CERT1: variants seen among roughly 807,000 people sequenced by gnomAD.
CERT1 encodes the protein ceramide transfer protein.
A neutral mutation model predicts 87.9 loss-of-function variants in CERT1; 31 were observed. The observed-to-expected ratio is 0.35, with a 90% CI of 0.27 to 0.48. The LOEUF (loss-of-function observed/expected upper bound fraction) is 0.48. CERT1 is among the 20% of genes least tolerant of loss of function. The pLI is 0.99. For synonymous variants in CERT1, 289 were observed against 250.9 expected (o/e 1.15, Z -1.44); for missense variants, 487 against 758.0 (o/e 0.64, Z 4.20).
At chr5:75,511,905 G>A, upstream of CERT1, 1 of 1,339,574 alleles carries the variant, frequency 7.5e-7, no homozygotes, top group Non-Finnish European at 1.0e-6. Flanking sequence ...TCGCGATCCT[G>A]AGGTAACGGG....
intron 11 of CERT1, among the ~76,000 whole-genome samples, chr5:75,393,053 A>T (rs1314696271): frequency 6.6e-6 from 1 of 151,104 alleles, no homozygotes. Flanking sequence ...AAAACAAAAA[A>T]CAACAAATAT....
chr5:75,426,517 A>G (rs965628634), intron 3 of CERT1, 39 bp from the exon 4 acceptor site: 1 of 1,431,236 alleles, frequency 7.0e-7, no homozygotes, highest in African/African-American at 1.4e-5. Flanking sequence ...GAATTTAAAT[A>G]AAAAATACTT....
intron 8 of CERT1, among the ~76,000 whole-genome samples, chr5:75,407,376 AG>A (rs1289937109): frequency 1.3e-5 from 2 of 152,012 alleles, no homozygotes; most frequent in African/African-American, 4.8e-5. Context: ...TGTGGAGAAA[AG>A]TGGATCAAAG....
intron 17 of CERT1, chr5:75,370,609 T>C (rs372274363): frequency 6.6e-5 from 10 of 152,040 alleles, no homozygotes; most frequent in African/African-American, 2.2e-4. Flanking sequence ...ACACAAAATA[T>C]TTATTACATG....
downstream of CERT1, chr5:75,374,501 G>T (rs1761211176): frequency 2.9e-5 from 21 of 721,058 alleles, no homozygotes; most frequent in South Asian, 2.2e-4. Context: ...GTGCCAAAAA[G>T]GGCCACAGCC....
intron 1 of CERT1, among the ~76,000 whole-genome samples, chr5:75,506,993 C>T (rs1767679189): frequency 6.6e-6 from 1 of 152,140 alleles, no homozygotes; most frequent in East Asian, 1.9e-4. Context: ...AACTATCTGC[C>T]AATTCCAAAA....
intron 11 of CERT1, among the ~76,000 whole-genome samples, chr5:75,397,659 TA>T: frequency 6.6e-6 from 1 of 152,328 alleles, no homozygotes. Context: ...CTTAGCACAA[TA>T]AACCAAAGTC....
intron 2 of CERT1, among the ~76,000 whole-genome samples, chr5:75,472,665 T>C (rs973493652): frequency 2.0e-5 from 3 of 152,128 alleles, no homozygotes; most frequent in Non-Finnish European, 4.4e-5. Flanking sequence ...TATGAAAAAA[T>C]GCTCAATGTC....
chr5:75,410,962 G>T, intron 8 of CERT1, 49 bp downstream of exon 8: 1 of 974,206 alleles, frequency 1.0e-6, no homozygotes, highest in Non-Finnish European at 1.6e-6. Flanking sequence ...TCACTTTTGT[G>T]ATAGACATGA....
chr5:75,385,301 C>T (rs1033486049), intron 13 of CERT1, among the ~76,000 whole-genome samples: 11 of 151,958 alleles, frequency 7.2e-5, no homozygotes, highest in Admixed American at 2.0e-4. Flanking sequence ...GGCAAAACCC[C>T]GTCTCTACTA....
chr5:75,407,926 A>G (rs1284037937), intron 8 of CERT1, among the ~76,000 whole-genome samples: 3 of 148,040 alleles, frequency 2.0e-5, no homozygotes, highest in Non-Finnish European at 4.5e-5. Context: ...AAAATTGACC[A>G]TCTTAACAAT....
At position 75,511,142 on chromosome 5, in the gene CERT1, C is replaced by A; in HGVS notation, c.66G>T (p.Pro22=). ...SEEDPETESG[P]PVERCGVLSK... ...TGAGGACCCCGCAGCGCTCCACAGG[C>A]GGCCCAGACTCCGTCTCTGGATCCT... The change falls in exon 1 of 17, where the codon CCG becomes CCT. Residue 22 remains proline (P), a synonymous_variant. Transcript: ENST00000643780. The A allele has an allele frequency of 3.7e-6, 6 of 1,605,692 alleles. No individual in the cohort carries two copies. The highest frequency in any genetic ancestry group is 5.1e-6 in the Non-Finnish European group (6 of 1,176,036).
intron 10 of CERT1, 75 bp from the exon 11 acceptor site, chr5:75,399,462 A>G: frequency 5.7e-6 from 6 of 1,046,142 alleles, no homozygotes; most frequent in Non-Finnish European, 7.4e-6. Context: ...CCAACTTCCA[A>G]ACACAAGATA....
intron 2 of CERT1, among the ~76,000 whole-genome samples, chr5:75,495,367 A>C (rs1767007854): frequency 6.6e-6 from 1 of 152,120 alleles, no homozygotes; most frequent in African/African-American, 2.4e-5. Flanking sequence ...GACTAGCCTG[A>C]GCAACATGGT....
At chr5:75,394,205 G>T (rs6898308) in intron 11 of CERT1, among the ~76,000 whole-genome samples, 3 of 152,068 alleles carry the variant, frequency 2.0e-5, no homozygotes, top group African/African-American at 7.2e-5. Context: ...CTAATGAAGA[G>T]TTTGGCAGTA....
chr5:75,511,718 G>A (rs956731626), upstream of CERT1: 68 of 1,545,786 alleles, frequency 4.4e-5, no homozygotes, highest in African/African-American at 7.6e-4. Flanking sequence ...GGCGTCTGAC[G>A]CGACACGCCG....
At chr5:75,510,701 C>T (rs1309702758) in intron 1 of CERT1, among the ~76,000 whole-genome samples, 1 of 152,082 alleles carries the variant, frequency 6.6e-6, no homozygotes, top group Non-Finnish European at 1.5e-5. Context: ...GTCCGCAGTG[C>T]CCCCCAACCT....
At chr5:75,444,861 G>A (rs1273763585) in intron 3 of CERT1, among the ~76,000 whole-genome samples, 3 of 152,014 alleles carry the variant, frequency 2.0e-5, no homozygotes, top group African/African-American at 7.2e-5. Context: ...ATTTTTCATA[G>A]TGAAATATTT....
intron 2 of CERT1, among the ~76,000 whole-genome samples, chr5:75,495,940 A>T (rs1024792216): frequency 8.5e-5 from 13 of 152,086 alleles, no homozygotes; most frequent in Admixed American, 1.3e-4. Context: ...AGCTGAAAAA[A>T]AAATAAATAA....
Sources: allele counts gnomAD v4.1 joint callset (sites outside exome capture counted in the v4.1 genomes callset), GRCh38; gene constraint gnomAD v4.1.1; transcripts MANE v1.5; gene names NCBI Gene and HGNC (gene_info 2026-07-23, HGNC 2026-07-21).